Variants in UGGT2 observed in about 807,000 individuals in gnomAD.
UGGT2 encodes the protein UDP-glucose:glycoprotein glucosyltransferase 2.
Under a neutral mutation model 192.1 loss-of-function variants are expected in UGGT2, and 180 were observed. That is an observed-to-expected ratio of 0.94 (90% confidence interval 0.83 to 1.06). The LOEUF (loss-of-function observed/expected upper bound fraction) is 1.06, where lower values mean the gene tolerates loss of function less well. Among genes scored for constraint, UGGT2 ranks in the 50% least tolerant of loss-of-function variants. UGGT2 has a pLI of 0.00. For missense variants in UGGT2, 1,849 were observed against 1,795.7 expected (o/e 1.03, Z -0.54); for synonymous variants, 580 against 591.0 (o/e 0.98, Z 0.27).
In UGGT2 at chr13:95,976,068, T is replaced by G. The variant is rs147341031; in HGVS notation, c.1093-3397A>C. Among the ~76,000 whole-genome samples the G allele has an allele frequency of 5.3e-3, 803 of 152,236 alleles. 11 individuals carry two copies. Among genetic ancestry groups the G allele is most frequent in the African/African-American group, 0.018 (767 of 41,554 alleles). ...ATAGATCTTATTCCTGACTGTATTT[T>G]TGCACCCATTAACCAACCCCTCCTC... On this transcript the variant is annotated intron_variant, in intron 10 of 38. Coordinates refer to ENST00000376747, the MANE Select transcript of UGGT2 (RefSeq NM_020121.4).
At chr13:96,043,024 A>G (rs2053210162) in intron 1 of UGGT2, among the ~76,000 whole-genome samples, 1 of 152,196 alleles carries the variant, frequency 6.6e-6, no homozygotes, top group Admixed American at 6.5e-5. Flanking sequence ...CACCTGGGAA[A>G]TTCAACACAA....
At position 95,854,493 on chromosome 13, in the gene UGGT2, A is replaced by G; in HGVS notation, c.4009-18T>C. Reference sequence around the variant, plus strand: ...CTCACAATCTAAATAATTAAAATAGACTGTCTGATAAAGACTGTAAAATAA... The same window carrying G: ...CTCACAATCTAAATAATTAAAATAGGCTGTCTGATAAAGACTGTAAAATAA... On this transcript the variant is annotated intron_variant, in intron 34 of 38. Coordinates refer to ENST00000376747, the MANE Select transcript of UGGT2 (RefSeq NM_020121.4). 1 of 1,585,962 alleles carries G rather than the reference A, an allele frequency of 6.3e-7. No individual in the cohort carries two copies. The highest frequency in any genetic ancestry group is 8.6e-7 in the Non-Finnish European group (1 of 1,166,968).
chr13:95,809,764 A>C lies in UGGT2; in HGVS notation c.4529-7952T>G, dbSNP rs577192506. Among the ~76,000 whole-genome samples, 90 of 152,276 alleles carry C rather than the reference A, an allele frequency of 5.9e-4. No homozygotes were observed. In the Middle Eastern group the frequency reaches 0.017, roughly 29 times the overall value. The stretch of plus-strand genomic sequence containing the variant: ...TTCTCCTATTATCTTGACTTTTAAA[A>C]ACCAAACCTCATTCTAAAATTATCA... On this transcript the variant is annotated intron_variant, in intron 38 of 38. Transcript: ENST00000376747.
Position 95,995,944 on chromosome 13 carries a change from G to A in UGGT2, c.830+119C>T, listed in dbSNP as rs1309912037. ...AATAAATAAAAACAATCGTATGTGT[G>A]TGTGTTTGTACTTTCTACATAAAAG... is the stretch of plus-strand genomic sequence containing the variant. On this transcript the variant is annotated intron_variant, in intron 7 of 38. Coordinates refer to ENST00000376747, the MANE Select transcript of UGGT2 (RefSeq NM_020121.4). The A allele has an allele frequency of 1.7e-5, 14 of 812,508 alleles. No individual in the cohort carries two copies. In the South Asian group the frequency reaches 2.0e-4, roughly 11 times the overall value. 50.3% of individuals were successfully genotyped at this position (812,508 alleles called of 1,614,324 possible).
At chr13:96,048,112 A>T (rs111900455) in intron 1 of UGGT2, among the ~76,000 whole-genome samples, 20,307 of 152,210 alleles carry the variant, frequency 0.13, 1,548 homozygotes, top group Middle Eastern at 0.22. Flanking sequence ...CAAATGTAAA[A>T]GAAGAGAAAT....
At chr13:95,898,229 T>C (rs1382606755) in intron 22 of UGGT2, among the ~76,000 whole-genome samples, 1 of 152,094 alleles carries the variant, frequency 6.6e-6, no homozygotes, top group East Asian at 1.9e-4. Flanking sequence ...GTGATCCAAA[T>C]AAAACATAAG....
At chr13:95,895,933 T>G (rs1299653690) in intron 22 of UGGT2, among the ~76,000 whole-genome samples, 1 of 152,050 alleles carries the variant, frequency 6.6e-6, no homozygotes, top group Admixed American at 6.6e-5. Context: ...AACCAGTAAC[T>G]ACAAAGTTAG....
Position 95,954,901 on chromosome 13 carries a change from T to G in UGGT2, c.1336-5447A>C, listed in dbSNP as rs1192703807. Among the ~76,000 whole-genome samples, 6 of 152,314 alleles carry G rather than the reference T, an allele frequency of 3.9e-5. No homozygotes were observed. The East Asian group carries it at 1.2e-3, about 29-fold the overall frequency. ...ATTTGACACTTCATCAACACATATATGCAAATATTCTAAAATCCAAAAAAC... is the reference window on the plus strand; with the variant it reads ...ATTTGACACTTCATCAACACATATAGGCAAATATTCTAAAATCCAAAAAAC... On this transcript the variant is annotated intron_variant, in intron 12 of 38. Transcript: ENST00000376747.
chr13:95,983,760 G>T (rs750915964), intron 10 of UGGT2, 44 bp downstream of exon 10: 2 of 1,329,144 alleles, frequency 1.5e-6, no homozygotes, highest in Non-Finnish European at 2.1e-6. Context: ...CAGAAACAGT[G>T]ATATTAGTTG....
intron 7 of UGGT2, among the ~76,000 whole-genome samples, chr13:95,992,005 A>C (rs558569354): frequency 1.3e-5 from 2 of 152,226 alleles, no homozygotes; most frequent in East Asian, 3.9e-4. Context: ...TCTACTAAAA[A>C]TACAAAAATT....
intron 23 of UGGT2, 48 bp downstream of exon 23, chr13:95,895,132 C>T: frequency 6.5e-7 from 1 of 1,532,876 alleles, no homozygotes; most frequent in Non-Finnish European, 8.7e-7. Context: ...ACATTAGACT[C>T]AAAATACCAA....
chr13:96,001,751 A>G (rs947187058), intron 5 of UGGT2, among the ~76,000 whole-genome samples: 7 of 152,192 alleles, frequency 4.6e-5, no homozygotes, highest in Non-Finnish European at 1.0e-4. Context: ...CTACTTTTAT[A>G]GACAGTTACT....
intron 5 of UGGT2, among the ~76,000 whole-genome samples, chr13:96,012,439 TA>T (rs950719700): frequency 1.6e-4 from 24 of 151,750 alleles, no homozygotes; most frequent in Middle Eastern, 3.4e-3. Flanking sequence ...AAACAATTTT[TA>T]AAAAAAATCA....
At chr13:96,006,583 C>A (rs1263623870) in intron 5 of UGGT2, among the ~76,000 whole-genome samples, 1 of 132,954 alleles carries the variant, frequency 7.5e-6, no homozygotes, top group Non-Finnish European at 1.5e-5. Flanking sequence ...GAGATTGCAC[C>A]ACTGCACTCA....
chr13:96,045,410 C>G (rs887447416), intron 1 of UGGT2, among the ~76,000 whole-genome samples: 2 of 152,160 alleles, frequency 1.3e-5, no homozygotes, highest in Admixed American at 6.6e-5. Context: ...AAAGCATTCC[C>G]TCTGAGAACT....
intron 16 of UGGT2, 110 bp from the exon 17 acceptor site, chr13:95,937,198 C>A: frequency 8.0e-7 from 1 of 1,256,740 alleles, no homozygotes; most frequent in Non-Finnish European, 1.1e-6. Context: ...AAAAAACATC[C>A]ATTTTGCTAA....
At chr13:95,862,390 T>G (rs1890242078) in intron 31 of UGGT2, among the ~76,000 whole-genome samples, 1 of 152,214 alleles carries the variant, frequency 6.6e-6, no homozygotes, top group South Asian at 2.1e-4. Flanking sequence ...ATCTCTAAAA[T>G]GGACATTCAA....
chr13:96,031,303 A>C (rs1376645359), intron 2 of UGGT2, among the ~76,000 whole-genome samples: 1 of 152,054 alleles, frequency 6.6e-6, no homozygotes, highest in East Asian at 1.9e-4. Flanking sequence ...TAAAAAGAAA[A>C]CTATCTTAAT....
In UGGT2 at chr13:95,900,841, C is replaced by G; in HGVS notation, c.2600G>C (p.Arg867Pro). The part of the protein sequence containing the change: ...QLFCQDVLKL[R>P]PGEMGIVSNG... ...GCTGACAATACCCATTTCTCCAGGA[C>G]GTAATTTAAGTACATCTTGACAGAA... The change falls in exon 22 of 39, where the codon CGT becomes CCT. Residue 867 changes from arginine (R) to proline (P), a missense_variant. Transcript: ENST00000376747. The G allele has an allele frequency of 6.2e-7, 1 of 1,611,222 alleles. No homozygotes were observed. Among genetic ancestry groups the G allele is most frequent in the Non-Finnish European group, 8.5e-7 (1 of 1,178,806 alleles).
Sources: gnomAD v4.1 joint callset for allele counts (sites outside exome capture counted in the v4.1 genomes callset) on GRCh38, gnomAD v4.1.1 for gene constraint, MANE v1.5 for transcripts, NCBI Gene and HGNC (gene_info 2026-07-23, HGNC 2026-07-21) for gene names.